The following GUCY2C variants were observed in gnomAD, a reference collection of about 807,000 sequenced individuals.
The protein encoded by GUCY2C is guanylyl cyclase C.
GUCY2C carries 118 observed loss-of-function variants against 131.1 expected under a neutral mutation model. That is an observed-to-expected ratio of 0.90 (90% confidence interval 0.78 to 1.05). The LOEUF (loss-of-function observed/expected upper bound fraction) is 1.05, where lower values mean the gene tolerates loss of function less well. GUCY2C is among the 50% of genes least tolerant of loss of function. GUCY2C has a pLI of 0.00. For missense variants in GUCY2C, 1,161 were observed against 1,304.4 expected (o/e 0.89, Z 1.69); for synonymous variants, 452 against 457.8 (o/e 0.99, Z 0.16).
At chr12:14,667,011 T>C (rs1947995430) in intron 10 of GUCY2C, among the ~76,000 whole-genome samples, 2 of 152,170 alleles carry the variant, frequency 1.3e-5, no homozygotes, top group East Asian at 1.9e-4. Context: ...GGAACACTTT[T>C]ACACTGTTGG....
chr12:14,654,615 T>A (rs1947727214), intron 12 of GUCY2C, among the ~76,000 whole-genome samples: 1 of 152,200 alleles, frequency 6.6e-6, no homozygotes, highest in African/African-American at 2.4e-5. Context: ...AATGGATGAA[T>A]TATACTTCTA....
rs56275235 is a variant in GUCY2C, at chr12:14,686,215, C to T, written c.341G>A (p.Arg114Gln). ...DLLRKISNAQRMGCVLIGPSC... is the reference protein window; with the variant it reads ...DLLRKISNAQQMGCVLIGPSC... ...GGGCCCTATGAGGACACAGCCCATC[C>T]GTTGTGCATTCTGTAGGAGAGAAAA... Residue 114 changes from arginine to glutamine, a missense_variant, in exon 3 of 27, where the codon CGG (arginine) becomes CAG (glutamine). Arg to Gln is a conservative substitution (Grantham distance 43). Transcript: ENST00000261170. 3.4e-3 allele frequency: 5,480 copies of T among 1,605,080 alleles called. 15 individuals carry two copies. Among genetic ancestry groups the T allele is most frequent in the Non-Finnish European group, 4.3e-3 (5,037 of 1,171,894 alleles).
chr12:14,638,649 GA>G lies in GUCY2C; in HGVS notation c.2157+1212del, dbSNP rs540356058. Among the ~76,000 whole-genome samples, 580 of 152,284 alleles carry G rather than the reference GA, an allele frequency of 3.8e-3. 1 individual carries two copies. The highest frequency in any genetic ancestry group is 0.014 in the African/African-American group (567 of 41,556). On this transcript the variant is annotated intron_variant, in intron 19 of 26. Transcript: ENST00000261170. ...ACATGTTCTCACTCATGCAGGGGCT[GA>G]AAAAGTTGATCTCATGGAGGTGGAG...
chr12:14,618,209 T>C (rs1467218597), intron 24 of GUCY2C, among the ~76,000 whole-genome samples: 1 of 152,234 alleles, frequency 6.6e-6, no homozygotes, highest in African/African-American at 2.4e-5. Flanking sequence ...TTTTCTTTAC[T>C]AAAATCAATT....
intron 18 of GUCY2C, 90 bp downstream of exon 18, chr12:14,640,992 A>T (rs1247143822): frequency 5.4e-6 from 6 of 1,103,582 alleles, no homozygotes; most frequent in African/African-American, 1.5e-5. Flanking sequence ...AGGAATTGTG[A>T]TGTGGTTACA....
chr12:14,682,446 G>C (rs1948366467), intron 4 of GUCY2C, among the ~76,000 whole-genome samples: 1 of 152,130 alleles, frequency 6.6e-6, no homozygotes, highest in East Asian at 1.9e-4. Context: ...TGCCATGATT[G>C]TAAGTTTCCT....
intron 23 of GUCY2C, among the ~76,000 whole-genome samples, chr12:14,620,547 G>A (rs1448816583): frequency 1.3e-5 from 2 of 152,172 alleles, no homozygotes; most frequent in African/African-American, 4.8e-5. Flanking sequence ...AACTTTCATG[G>A]TCTTTGAAAG....
intron 19 of GUCY2C, among the ~76,000 whole-genome samples, chr12:14,632,784 G>C (rs1432530650): frequency 6.6e-6 from 1 of 152,100 alleles, no homozygotes; most frequent in Non-Finnish European, 1.5e-5. Flanking sequence ...CAGTGCTTCA[G>C]CCTACCGTGT....
At chr12:14,619,057 G>A (rs1946838725) in intron 24 of GUCY2C, 154 bp downstream of exon 24, 1 of 551,610 alleles carries the variant, frequency 1.8e-6, no homozygotes, top group South Asian at 2.8e-5. Context: ...GTAGCAAAAG[G>A]TGGATTGACA....
chr12:14,646,156 C>T (rs1184195284), intron 15 of GUCY2C, among the ~76,000 whole-genome samples: 3 of 152,134 alleles, frequency 2.0e-5, no homozygotes, highest in Non-Finnish European at 4.4e-5. Context: ...ATTTTCAAGT[C>T]ACTATTTTAA....
intron 25 of GUCY2C, among the ~76,000 whole-genome samples, chr12:14,615,974 G>T (rs780264747): frequency 2.2e-4 from 33 of 152,294 alleles, no homozygotes; most frequent in Middle Eastern, 6.8e-3. Context: ...ACAACTGATG[G>T]CTATGGAGGG....
chr12:14,668,939 G>A (rs1195464360), intron 10 of GUCY2C, among the ~76,000 whole-genome samples: 4 of 152,240 alleles, frequency 2.6e-5, no homozygotes, highest in East Asian at 1.9e-4. Context: ...TATGTGTCCA[G>A]TATGGGAACA....
chr12:14,691,449 T>C (rs1179700780), intron 1 of GUCY2C, among the ~76,000 whole-genome samples: 1 of 152,082 alleles, frequency 6.6e-6, no homozygotes, highest in African/African-American at 2.4e-5. Context: ...ACAGAATGAA[T>C]GAGGCTACAG....
chr12:14,651,409 G>T lies in GUCY2C; in HGVS notation c.1708C>A (p.Arg570=). 2.1e-6 allele frequency: 3 copies of T among 1,453,084 alleles called. No homozygotes were observed. The highest frequency in any genetic ancestry group is 2.9e-6 in the Non-Finnish European group (3 of 1,035,064). 90.0% of individuals were successfully genotyped at this position (1,453,084 alleles called of 1,614,324 possible). The change falls in exon 15 of 27, where the codon CGG becomes AGG. Residue 570 remains arginine, a splice_region_variant and synonymous_variant. Coordinates refer to ENST00000261170, the MANE Select transcript of GUCY2C (RefSeq NM_004963.4). Reference sequence around the variant, plus strand: ...TGGAAATGACCATGGTTTCTTACCCGGAGGGATCCTCTCTCACAGTATTCT... The same window carrying T: ...TGGAAATGACCATGGTTTCTTACCCTGAGGGATCCTCTCTCACAGTATTCT... ...VIEYCERGSL[R]EVLNDTISYP...
chr12:14,647,010 G>A (rs1250094923), intron 15 of GUCY2C, among the ~76,000 whole-genome samples: 2 of 152,194 alleles, frequency 1.3e-5, no homozygotes, highest in Non-Finnish European at 2.9e-5. Context: ...CTTCCTTCAG[G>A]AAATGGCTGT....
chr12:14,696,246 C>T lies in GUCY2C; in HGVS notation c.203G>A (p.Arg68His), dbSNP rs550836055. ...VNEGLEIVRG[R>H]LQNAGLNVTV... ...CATTTTCTTACCAGCATTTTGCAGACGTCCTCTCACTATTTCCAGCCCCTC... is the reference window on the plus strand; with the variant it reads ...CATTTTCTTACCAGCATTTTGCAGATGTCCTCTCACTATTTCCAGCCCCTC... The change falls in exon 1 of 27, where the codon CGT becomes CAT. Residue 68 changes from arginine to histidine, a missense_variant. Physicochemically the swap from Arg to His is conservative, Grantham distance 29. Transcript: ENST00000261170. 3.0e-5 allele frequency: 49 copies of T among 1,613,326 alleles called. No homozygotes were observed. The highest frequency in any genetic ancestry group is 1.9e-4 in the African/African-American group (14 of 75,030).
At chr12:14,671,407 G>T (rs955817489) in intron 9 of GUCY2C, among the ~76,000 whole-genome samples, 3 of 152,026 alleles carry the variant, frequency 2.0e-5, no homozygotes, top group Non-Finnish European at 4.4e-5. Context: ...AAAAGTGCTG[G>T]GAATACAGGG....
chr12:14,685,579 A>G (rs575845830), intron 3 of GUCY2C, among the ~76,000 whole-genome samples: 2 of 152,350 alleles, frequency 1.3e-5, no homozygotes, highest in East Asian at 3.9e-4. Flanking sequence ...ATTGTGTAAA[A>G]TGAATGGAAG....
intron 8 of GUCY2C, 104 bp from the exon 9 acceptor site, chr12:14,673,062 C>A: frequency 1.4e-6 from 1 of 690,070 alleles, no homozygotes; most frequent in South Asian, 1.7e-5. Flanking sequence ...AGCTCTGTTT[C>A]AAATTTACTG....
Sources: gnomAD v4.1 joint callset for allele counts (sites outside exome capture counted in the v4.1 genomes callset) on GRCh38, gnomAD v4.1.1 for gene constraint, MANE v1.5 for transcripts, NCBI Gene and HGNC (gene_info 2026-07-23, HGNC 2026-07-21) for gene names.